RNF14: variants seen among roughly 807,000 people sequenced by gnomAD.
The protein encoded by RNF14 is E3 ubiquitin-protein ligase RNF14.
RNF14 carries 26 observed loss-of-function variants against 52.6 expected under a neutral mutation model. That is an observed-to-expected ratio of 0.49 (90% CI 0.36 to 0.69). RNF14 has a LOEUF of 0.69. Ranked by LOEUF, RNF14 falls within the 30% of genes least tolerant of loss-of-function variation. The pLI, the probability that RNF14 is intolerant of heterozygous loss-of-function variation, is 0.00. For missense variants in RNF14, 404 were observed against 560.4 expected, an observed-to-expected ratio of 0.72 and a Z score of 2.82; for synonymous variants, 194 against 202.0, an observed-to-expected ratio of 0.96 and a Z score of 0.34.
chr5:141,957,197 T>G (rs1211458674), upstream of RNF14: 14 of 1,614,024 alleles, frequency 8.7e-6, no homozygotes, highest in Non-Finnish European at 1.2e-5. The surrounding 1 kb of genome is among the most constrained non-coding windows in gnomAD (Gnocchi z 4.3). Context: ...GGGTTCCCAT[T>G]GTCATAGGCA....
upstream of RNF14, among the ~76,000 whole-genome samples, chr5:141,968,180 A>T (rs1753424043): frequency 6.9e-6 from 1 of 145,010 alleles, no homozygotes; most frequent in Non-Finnish European, 1.5e-5. Context: ...GCAGTGACTC[A>T]CTGTAACCTC....
chr5:141,974,249 TAA>T (rs773729427), intron 3 of RNF14, among the ~76,000 whole-genome samples: 1 of 152,242 alleles, frequency 6.6e-6, no homozygotes, highest in Non-Finnish European at 1.5e-5. Flanking sequence ...GTTTCTACTA[TAA>T]AGGGATTGAG....
At chr5:141,954,556 T>C (rs1366640294), upstream of RNF14, among the ~76,000 whole-genome samples, 1 of 152,172 alleles carries the variant, frequency 6.6e-6, no homozygotes, top group Non-Finnish European at 1.5e-5. Flanking sequence ...TCCTCTGTGG[T>C]TCAGAGCTAG....
At chr5:141,985,136 T>C (rs1254837314) in intron 8 of RNF14, among the ~76,000 whole-genome samples, 1 of 59,220 alleles carries the variant, frequency 1.7e-5, no homozygotes, top group African/African-American at 8.1e-5. Flanking sequence ...GTTTTTATAG[T>C]GAAAGTTTTC....
In RNF14 at chr5:141,974,869, G is replaced by C. The variant is rs918779537; in HGVS notation, c.220G>C (p.Val74Leu). 10 of 1,613,946 alleles carry C rather than the reference G, an allele frequency of 6.2e-6. No individual in the cohort carries two copies. Among genetic ancestry groups the C allele is most frequent in the Middle Eastern group, 1.6e-4 (1 of 6,084 alleles). The change falls in exon 4 of 9, where the codon GTG becomes CTG. Residue 74 changes from valine (V) to leucine (L), a missense_variant. Coordinates refer to ENST00000394520, the MANE Select transcript of RNF14 (RefSeq NM_004290.5). ...CACCATTTGCTTTCTGCCTCCACTT[G>C]TGCTGAACTTTGAACTGCCACCAGA... ...EYTICFLPPL[V>L]LNFELPPDYP...
chr5:141,978,470 A>T lies in RNF14; in HGVS notation c.474A>T (p.Thr158=), dbSNP rs749980492. Residue 158 remains threonine (T), a synonymous_variant, in exon 5 of 9, where the codon ACA becomes ACT. Transcript: ENST00000394520. ...CTCAGAAAAAAGTGCAGAGAAGGAC[A>T]GCTCAAGCTTCTCCCAACACAGAGC... ...IGSQKKVQRR[T]AQASPNTELD... The T allele has an allele frequency of 1.9e-6, 3 of 1,614,206 alleles. 1 individual carries two copies. The South Asian group carries it at 3.3e-5, about 18-fold the overall frequency.
At chr5:141,971,563 TTTTCTTTCTTTC>T (rs746341507) in intron 2 of RNF14, among the ~76,000 whole-genome samples, 218 of 55,088 alleles carry the variant, frequency 4.0e-3, no homozygotes, top group Middle Eastern at 0.02. Context: ...GCTAATTTCT[TTTTCTTTCTTTC>T]TTTCTTTCTT....
In RNF14 at chr5:141,980,223, C is replaced by T. The variant is rs1387620829; in HGVS notation, c.935C>T (p.Pro312Leu). The change falls in exon 6 of 9, where the codon CCG becomes CTG. Residue 312 changes from proline to leucine, a missense_variant. By Grantham distance (98) the Pro-to-Leu change is moderately conservative. Transcript: ENST00000394520. ...GCAGATGTGGTGTACTGCCCCCGGC[C>T]GTGCTGCCAGCTGCCTGTGATGCAG... Reference protein sequence around the residue: ...LMADVVYCPRPCCQLPVMQEP... With the variant: ...LMADVVYCPRLCCQLPVMQEP... The T allele has an allele frequency of 6.8e-6, 11 of 1,614,100 alleles. No homozygotes were observed. The highest frequency in any genetic ancestry group is 2.2e-5 in the South Asian group (2 of 91,086).
chr5:141,970,063 A>G (rs1753607880), intron 1 of RNF14, among the ~76,000 whole-genome samples: 1 of 152,200 alleles, frequency 6.6e-6, no homozygotes. Flanking sequence ...GGAGTTACAC[A>G]TCCGAGAATC....
chr5:141,950,230 A>T, the RNF14 span, among the ~76,000 whole-genome samples: 1 of 152,064 alleles, frequency 6.6e-6, no homozygotes, highest in Non-Finnish European at 1.5e-5. Flanking sequence ...TGCTGTCTCC[A>T]TCCTGGTCCC....
At position 141,988,011 on chromosome 5, in the gene RNF14, A is replaced by G. The variant is rs1755394582; in HGVS notation, c.*221A>G. The stretch of plus-strand genomic sequence containing the variant: ...AAAAATTTATAAGCCAAAGGTTCAG[A>G]AAATTAAACTACAGAATATTAAATA... On this transcript the variant is annotated 3_prime_UTR_variant, in exon 9 of 9. Coordinates refer to ENST00000394520, the MANE Select transcript of RNF14 (RefSeq NM_004290.5). 3.8e-6 allele frequency: 2 copies of G among 521,928 alleles called. No individual in the cohort carries two copies. Among genetic ancestry groups the G allele is most frequent in the Non-Finnish European group, 6.9e-6 (2 of 291,352 alleles). The allele number at this position is 521,928 out of a possible 1,614,324, so 32.3% of individuals were successfully genotyped here. A position where few individuals can be genotyped will look rare whatever the true frequency, so the allele number is the denominator to read the frequency against.
chr5:141,955,206 A>C (rs767020872), upstream of RNF14: 1 of 1,614,154 alleles, frequency 6.2e-7, no homozygotes, highest in South Asian at 1.1e-5. This position sits in a 1 kb window ranked among gnomAD's most constrained non-coding sequence, Gnocchi z 5.5. Context: ...GGCTGCCTGC[A>C]ACCTTCAGAG....
In RNF14 at chr5:141,978,499, A is replaced by G; in HGVS notation, c.503A>G (p.Asp168Gly). Residue 168 changes from aspartate to glycine, a missense_variant, in exon 5 of 9, where the codon GAT becomes GGT. Asp to Gly is a moderately conservative substitution (Grantham distance 94). Coordinates refer to ENST00000394520, the MANE Select transcript of RNF14 (RefSeq NM_004290.5). ...CAAGCTTCTCCCAACACAGAGCTAG[A>G]TTTTGGAGGAGCTGCTGGATCTGAT... ...TAQASPNTEL[D>G]FGGAAGSDVD... 1 of 1,614,186 alleles carries G rather than the reference A, an allele frequency of 6.2e-7. No individual in the cohort carries two copies. Among genetic ancestry groups the G allele is most frequent in the Non-Finnish European group, 8.5e-7 (1 of 1,180,032 alleles).
At chr5:141,972,237 T>TA (rs1753845887) in intron 2 of RNF14, among the ~76,000 whole-genome samples, 2 of 5,866 alleles carry the variant, frequency 3.4e-4, no homozygotes, top group South Asian at 0.02. Flanking sequence ...TTTGGAGATA[T>TA]TTTTTTTTTT....
chr5:141,953,381 C>T (rs1007560396), upstream of RNF14: 2 of 152,134 alleles, frequency 1.3e-5, no homozygotes, highest in East Asian at 1.9e-4. Context: ...AGTGATTGTC[C>T]AGTGGTGTAT....
At chr5:141,959,630 A>T (rs1753239002) in intron 1 of RNF14, among the ~76,000 whole-genome samples, 1 of 152,194 alleles carries the variant, frequency 6.6e-6, no homozygotes, top group African/African-American at 2.4e-5. Flanking sequence ...GCCTGTGGTC[A>T]TCAGGACTGG....
At chr5:141,970,485 G>A (rs1045386444) in intron 1 of RNF14, among the ~76,000 whole-genome samples, 10 of 150,186 alleles carry the variant, frequency 6.7e-5, no homozygotes, top group Non-Finnish European at 1.2e-4. Context: ...TCCCATAGCT[G>A]AGGGCAGACA....
intron 8 of RNF14, among the ~76,000 whole-genome samples, chr5:141,987,458 G>C (rs1391251191): frequency 6.6e-6 from 1 of 152,114 alleles, no homozygotes; most frequent in African/African-American, 2.4e-5. Context: ...TATGGCCAAG[G>C]GACTTAAGGC....
the RNF14 span, among the ~76,000 whole-genome samples, chr5:141,950,477 A>G: frequency 6.6e-6 from 1 of 152,200 alleles, no homozygotes; most frequent in African/African-American, 2.4e-5. Flanking sequence ...AGGTCCATGC[A>G]CCGTCTTATT....
Sources: gnomAD v4.1 joint callset for allele counts (sites outside exome capture counted in the v4.1 genomes callset) on GRCh38, gnomAD v4.1.1 for gene constraint, Gnocchi (gnomAD v3.1) non-coding constraint, MANE v1.5 for transcripts, NCBI Gene and HGNC (gene_info 2026-07-23, HGNC 2026-07-21) for gene names.